The following GRIK1 variants were observed in gnomAD, a reference collection of about 807,000 sequenced individuals.
GRIK1 encodes the protein glutamate receptor ionotropic, kainate 1.
A neutral mutation model predicts 105.7 loss-of-function variants in GRIK1; 69 were observed. The ratio of observed to expected loss-of-function variants is 0.65; its 90% CI spans 0.54 to 0.80. The LOEUF (loss-of-function observed/expected upper bound fraction) is 0.80, where lower values mean the gene tolerates loss of function less well. GRIK1 is among the 30% of genes least tolerant of loss of function. GRIK1 has a pLI of 0.00. For synonymous variants in GRIK1, 438 were observed against 431.3 expected, an observed-to-expected ratio of 1.02 and a Z score of -0.19; for missense variants, 1,109 against 1,167.3, an observed-to-expected ratio of 0.95 and a Z score of 0.73.
intron 16 of GRIK1, among the ~76,000 whole-genome samples, chr21:29,545,772 G>T (rs755218095): frequency 6.6e-6 from 1 of 152,170 alleles, no homozygotes; most frequent in Non-Finnish European, 1.5e-5. Flanking sequence ...ATGGTAGTGG[G>T]AATGCATTTT....
At chr21:29,826,945 A>G (rs1392451215) in intron 1 of GRIK1, among the ~76,000 whole-genome samples, 1 of 152,138 alleles carries the variant, frequency 6.6e-6, no homozygotes. Flanking sequence ...CATGTCTGAG[A>G]TCAAAGATAC....
chr21:29,903,978 C>T (rs1282454345), intron 1 of GRIK1, among the ~76,000 whole-genome samples: 3 of 152,140 alleles, frequency 2.0e-5, no homozygotes, highest in African/African-American at 2.4e-5. Flanking sequence ...TTTGCAGGGA[C>T]ATGGATGAAG....
intron 13 of GRIK1, 144 bp downstream of exon 13, chr21:29,581,280 AC>A (rs2091017979): frequency 1.6e-6 from 1 of 627,566 alleles, no homozygotes; most frequent in African/African-American, 1.8e-5. Flanking sequence ...CATCTTCAAA[AC>A]CGGCTAGAAA....
At chr21:29,539,242 A>G (rs1178342528) in intron 16 of GRIK1, among the ~76,000 whole-genome samples, 1 of 152,190 alleles carries the variant, frequency 6.6e-6, no homozygotes, top group Non-Finnish European at 1.5e-5. Context: ...TTGTGTCTCA[A>G]TACACACAAT....
At chr21:29,621,182 A>G (rs1295267161) in intron 7 of GRIK1, among the ~76,000 whole-genome samples, 2 of 152,122 alleles carry the variant, frequency 1.3e-5, no homozygotes, top group Admixed American at 1.3e-4. Flanking sequence ...TAGTTTCTCA[A>G]TTGTCAGAAA....
chr21:29,869,582 G>A (rs2068941973), intron 1 of GRIK1, among the ~76,000 whole-genome samples: 2 of 152,192 alleles, frequency 1.3e-5, no homozygotes, highest in African/African-American at 2.4e-5. Flanking sequence ...TTATTCCATA[G>A]GAACTAGGAG....
intron 1 of GRIK1, among the ~76,000 whole-genome samples, chr21:29,708,904 A>G (rs146661262): frequency 1.3e-5 from 2 of 152,326 alleles, no homozygotes; most frequent in African/African-American, 2.4e-5. Context: ...CACATAATTG[A>G]TAAATATAAT....
intron 1 of GRIK1, among the ~76,000 whole-genome samples, chr21:29,713,834 GT>G (rs896289052): frequency 6.0e-5 from 9 of 150,216 alleles, no homozygotes; most frequent in South Asian, 2.1e-4. Context: ...TCTGCCATTT[GT>G]TTTTTTTTGC....
chr21:29,693,817 G>A (rs1006729135), intron 2 of GRIK1, 79 bp downstream of exon 2: 1 of 1,018,246 alleles, frequency 9.8e-7, no homozygotes, highest in African/African-American at 1.6e-5. Flanking sequence ...CTTTAAAAGA[G>A]GGCAGGTAGC....
chr21:29,625,486 G>A (rs1200629514), intron 7 of GRIK1, among the ~76,000 whole-genome samples: 2 of 152,076 alleles, frequency 1.3e-5, no homozygotes, highest in East Asian at 1.9e-4. Context: ...TCCCAAGAGT[G>A]GAGTGTTCTT....
rs527730179 is a variant in GRIK1, at chr21:29,787,243, T to C, written c.119-93180A>G. ...GAGGACTTAGTGTTAGAATGCCATG[T>C]CCTTTCTGACATACTAAGCCATTTT... On this transcript the variant is annotated intron_variant, in intron 1 of 17. Coordinates refer to ENST00000327783, the MANE Select transcript of GRIK1 (RefSeq NM_001330994.2). Among the ~76,000 whole-genome samples, 3 of 152,358 alleles carry C rather than the reference T, an allele frequency of 2.0e-5. No individual in the cohort carries two copies. The East Asian group carries it at 5.8e-4, about 29-fold the overall frequency.
chr21:29,733,500 C>T (rs566121126), intron 1 of GRIK1, among the ~76,000 whole-genome samples: 22 of 151,966 alleles, frequency 1.4e-4, no homozygotes, highest in Admixed American at 1.4e-3. Context: ...TCCTAATCCC[C>T]TAATTTTTTT....
chr21:29,721,658 C>G (rs2064326803), intron 1 of GRIK1, among the ~76,000 whole-genome samples: 1 of 151,894 alleles, frequency 6.6e-6, no homozygotes, highest in African/African-American at 2.4e-5. Context: ...ATTATGTTCC[C>G]CAAGTTTAAA....
chr21:29,805,850 G>A (rs2066849456), intron 1 of GRIK1, among the ~76,000 whole-genome samples: 1 of 152,130 alleles, frequency 6.6e-6, no homozygotes, highest in African/African-American at 2.4e-5. Flanking sequence ...GATATAGGTA[G>A]TCACTGATTG....
chr21:29,862,159 T>C (rs2068664188), intron 1 of GRIK1, among the ~76,000 whole-genome samples: 1 of 152,104 alleles, frequency 6.6e-6, no homozygotes, highest in South Asian at 2.1e-4. Context: ...GCTAATTGTC[T>C]TATTTTTTTG....
intron 15 of GRIK1, among the ~76,000 whole-genome samples, chr21:29,561,138 G>C (rs11909894): frequency 7.9e-4 from 120 of 152,270 alleles, no homozygotes; most frequent in Admixed American, 5.2e-4. Flanking sequence ...GAGCACATCA[G>C]ACTTATAATT....
chr21:29,827,705 G>A (rs753890728), intron 1 of GRIK1, among the ~76,000 whole-genome samples: 14 of 152,054 alleles, frequency 9.2e-5, no homozygotes, highest in Non-Finnish European at 1.3e-4. Context: ...GTAGAAAGGG[G>A]GAATGAAAGA....
rs1265407211 is a variant in GRIK1 at position 29,867,866 on chromosome 21, G to A, written c.118+71517C>T. 4.2e-3 allele frequency among the ~76,000 whole-genome samples: 262 copies of A among 62,520 alleles called. 5 individuals carry two copies. The highest frequency in any genetic ancestry group is 0.02 in the African/African-American group (247 of 12,232). The allele number at this position is 62,520 out of a possible 152,430, so 41.0% of individuals were successfully genotyped here. On this transcript the variant is annotated intron_variant, in intron 1 of 17. Coordinates refer to ENST00000327783, the MANE Select transcript of GRIK1 (RefSeq NM_001330994.2). ...AAGGAAGGAAAGAGAGAAAGAGAGA[G>A]AAAGAGAGAAAGAGAGAGAAAGAGA... is the stretch of plus-strand genomic sequence containing the variant.
chr21:29,672,717 C>A (rs932842474), intron 4 of GRIK1, among the ~76,000 whole-genome samples: 3 of 152,102 alleles, frequency 2.0e-5, no homozygotes, highest in Non-Finnish European at 2.9e-5. Context: ...CTTCTCTCAT[C>A]TTCAGCTGGT....
Sources: gnomAD v4.1 joint callset for allele counts (sites outside exome capture counted in the v4.1 genomes callset) on GRCh38, gnomAD v4.1.1 for gene constraint, MANE v1.5 for transcripts, NCBI Gene and HGNC (gene_info 2026-07-23, HGNC 2026-07-21) for gene names.